KIAA1217: variants seen among roughly 807,000 people sequenced by gnomAD.
The protein encoded by KIAA1217 is KIAA1217, also known as sickle tail protein homolog.
A neutral mutation model predicts 163.9 loss-of-function variants in KIAA1217; 88 were observed. The ratio of observed to expected loss-of-function variants is 0.54; its 90% CI spans 0.45 to 0.64. The LOEUF is 0.64. KIAA1217 is among the 30% of genes least tolerant of loss of function. The pLI, the probability that KIAA1217 is intolerant of heterozygous loss-of-function variation, is 0.00. For missense variants in KIAA1217, 2,372 were observed against 2,475.0 expected (o/e 0.96, Z 0.88); for synonymous variants, 903 against 923.1 (o/e 0.98, Z 0.39).
intron 5 of KIAA1217, among the ~76,000 whole-genome samples, chr10:24,453,946 A>G (rs1358028513): frequency 2.0e-5 from 3 of 152,224 alleles, no homozygotes; most frequent in African/African-American, 2.4e-5. Context: ...ATACAAAGAT[A>G]TAGCCAAAGT....
intron 1 of KIAA1217, among the ~76,000 whole-genome samples, chr10:23,740,104 C>T (rs1839025777): frequency 6.6e-6 from 1 of 151,932 alleles, no homozygotes; most frequent in Admixed American, 6.6e-5. Flanking sequence ...AAATTGGATA[C>T]ACCAATCTGA....
At chr10:23,889,690 T>C (rs899124543) in intron 1 of KIAA1217, among the ~76,000 whole-genome samples, 21 of 144,090 alleles carry the variant, frequency 1.5e-4, no homozygotes, top group African/African-American at 5.5e-4. Flanking sequence ...TTTAAGTTTA[T>C]TGAGTTTTCT....
chr10:24,029,819 G>T (rs1022501155), intron 2 of KIAA1217, among the ~76,000 whole-genome samples: 1 of 152,162 alleles, frequency 6.6e-6, no homozygotes, highest in African/African-American at 2.4e-5. Flanking sequence ...GGGAGAGAGA[G>T]AAGTTTTAAG....
At chr10:23,850,426 A>G (rs1839253704) in intron 1 of KIAA1217, among the ~76,000 whole-genome samples, 1 of 152,118 alleles carries the variant, frequency 6.6e-6, no homozygotes, top group Admixed American at 6.6e-5. Flanking sequence ...GCCAGCTGAC[A>G]ATTTCCACTG....
At position 23,695,140 on chromosome 10, in the gene KIAA1217, T is replaced by A. The variant is rs1367014845; in HGVS notation, c.-415T>A. On this transcript the variant is annotated 5_prime_UTR_variant, in exon 1 of 19. Coordinates refer to the KIAA1217 transcript ENST00000376462. The surrounding 1 kb of genome is among the most constrained non-coding windows in gnomAD (Gnocchi z 4.9). ...CTTGCGCATTTCGCAGCTGCGCTGG[T>A]GTGGGGCATGAGAGCGAGGTGGCTC... 6.6e-6 allele frequency: 1 copy of A among 152,212 alleles called. No individual in the cohort carries two copies. The highest frequency in any genetic ancestry group is 1.5e-5 in the Non-Finnish European group (1 of 68,098). The allele number at this position is 152,212 out of a possible 1,614,324, so 9.4% of individuals were successfully genotyped here.
chr10:23,968,500 A>C (rs1036483748), intron 1 of KIAA1217, among the ~76,000 whole-genome samples: 2 of 152,160 alleles, frequency 1.3e-5, no homozygotes, highest in Non-Finnish European at 2.9e-5. Context: ...CACACAGCAT[A>C]CTATTCATCC....
intron 2 of KIAA1217, among the ~76,000 whole-genome samples, chr10:24,294,843 C>T (rs896621249): frequency 6.6e-6 from 1 of 152,178 alleles, no homozygotes; most frequent in African/African-American, 2.4e-5. Flanking sequence ...GGTCACTGTC[C>T]ACATTGCCAG....
At chr10:24,266,722 TG>T (rs1274540172) in intron 2 of KIAA1217, among the ~76,000 whole-genome samples, 3 of 151,964 alleles carry the variant, frequency 2.0e-5, no homozygotes, top group Non-Finnish European at 4.4e-5. Context: ...AGTAGCCAGT[TG>T]TGGAGGATTA....
chr10:24,246,268 T>C lies in KIAA1217; in HGVS notation c.354+26359T>C, dbSNP rs528676316. On this transcript the variant is annotated intron_variant, in intron 2 of 20. Coordinates refer to ENST00000376454, the MANE Select transcript of KIAA1217 (RefSeq NM_019590.5). ...TTCTCTCTTCAAAGCAATTATAAAG[T>C]GGCCCCATCATAGATAAACTTGACC... Among the ~76,000 whole-genome samples, 9 of 152,312 alleles carry C rather than the reference T, an allele frequency of 5.9e-5. No homozygotes were observed. In the East Asian group the frequency reaches 1.5e-3, roughly 26 times the overall value.
At chr10:24,365,616 G>A (rs532644342) in intron 2 of KIAA1217, among the ~76,000 whole-genome samples, 33 of 152,252 alleles carry the variant, frequency 2.2e-4, no homozygotes, top group Admixed American at 1.6e-3. Context: ...ACCTAGAAAA[G>A]GGCTTTTATG....
At chr10:24,178,790 T>G (rs933569348) in intron 2 of KIAA1217, among the ~76,000 whole-genome samples, 2 of 152,214 alleles carry the variant, frequency 1.3e-5, no homozygotes, top group African/African-American at 4.8e-5. Context: ...GTTTTTTTTG[T>G]TCTATATTTT....
At chr10:23,846,446 A>C (rs1839032974) in intron 1 of KIAA1217, among the ~76,000 whole-genome samples, 1 of 151,498 alleles carries the variant, frequency 6.6e-6, no homozygotes. Flanking sequence ...GAGGTCCTTC[A>C]CCTCCCTTGT....
At chr10:24,346,932 T>A (rs2047863578) in intron 2 of KIAA1217, among the ~76,000 whole-genome samples, 2 of 152,196 alleles carry the variant, frequency 1.3e-5, no homozygotes, top group South Asian at 2.1e-4. Context: ...TCTGATGATG[T>A]CTCAACAAAG....
At chr10:24,400,051 C>T (rs1451730489) in intron 3 of KIAA1217, among the ~76,000 whole-genome samples, 1 of 152,146 alleles carries the variant, frequency 6.6e-6, no homozygotes, top group African/African-American at 2.4e-5. Flanking sequence ...ATGGACTAAT[C>T]GCCCCTGCGT....
chr10:23,909,220 A>G (rs760195580), intron 1 of KIAA1217, among the ~76,000 whole-genome samples: 11 of 152,210 alleles, frequency 7.2e-5, no homozygotes, highest in Middle Eastern at 3.4e-3. Flanking sequence ...TGGGAAGGGG[A>G]TGAGGGATAA....
At chr10:23,827,156 T>C (rs373589141) in intron 1 of KIAA1217, among the ~76,000 whole-genome samples, 3 of 152,300 alleles carry the variant, frequency 2.0e-5, no homozygotes, top group East Asian at 1.9e-4. Flanking sequence ...GAATCACCTG[T>C]AGGGCTTTGA....
chr10:23,975,109 G>A (rs1172093529), intron 1 of KIAA1217, among the ~76,000 whole-genome samples: 1 of 152,168 alleles, frequency 6.6e-6, no homozygotes, highest in Non-Finnish European at 1.5e-5. Flanking sequence ...TAAGGAGATG[G>A]CATGCCAATG....
chr10:24,110,446 T>C (rs144071186), intron 2 of KIAA1217, among the ~76,000 whole-genome samples: 102 of 152,310 alleles, frequency 6.7e-4, no homozygotes, highest in African/African-American at 2.1e-3. Flanking sequence ...AACATACAAA[T>C]TTAAAGTATT....
In KIAA1217 at chr10:24,545,957, G is replaced by C; in HGVS notation, c.5465G>C (p.Ser1822Thr). ...SSSLPSSSGDSSNLPNPPATK... is the reference protein window; with the variant it reads ...SSSLPSSSGDTSNLPNPPATK... The stretch of plus-strand genomic sequence containing the variant: ...TCTCTGCCCTCTTCTAGTGGTGACA[G>C]CTCTAACCTCCCTAATCCACCTGCT... Residue 1822 changes from serine (S) to threonine (T), a missense_variant, in exon 21 of 21, where the codon AGC (serine) becomes ACC (threonine). Transcript: ENST00000376454. 4 of 1,614,118 alleles carry C rather than the reference G, an allele frequency of 2.5e-6. No homozygotes were observed. The highest frequency in any genetic ancestry group is 3.4e-6 in the Non-Finnish European group (4 of 1,180,012).
Sources: gnomAD v4.1 joint callset for allele counts (sites outside exome capture counted in the v4.1 genomes callset) on GRCh38, gnomAD v4.1.1 for gene constraint, Gnocchi (gnomAD v3.1) non-coding constraint, MANE v1.5 for transcripts, NCBI Gene and HGNC (gene_info 2026-07-23, HGNC 2026-07-21) for gene names.